The following ABHD17C variants were observed in gnomAD, a reference collection of about 807,000 sequenced individuals.
The protein encoded by ABHD17C is alpha/beta hydrolase domain-containing protein 17C.
In ABHD17C, 11 loss-of-function variants were observed where a neutral mutation model predicts 27.9. The observed-to-expected ratio is 0.39, with a 90% confidence interval of 0.25 to 0.65. The LOEUF is 0.65. Among genes scored for constraint, ABHD17C ranks in the 30% least tolerant of loss-of-function variants. The probability of loss-of-function intolerance (pLI) is 0.45; values close to 1 mark genes in which losing one functional copy is unlikely to be tolerated. For missense variants in ABHD17C, 280 were observed against 470.2 expected, an observed-to-expected ratio of 0.60 and a Z score of 3.74; for synonymous variants, 233 against 209.1, an observed-to-expected ratio of 1.11 and a Z score of -0.98.
intron 1 of ABHD17C, among the ~76,000 whole-genome samples, chr15:80,747,062 C>T (rs1046469245): frequency 8.5e-5 from 13 of 152,100 alleles, no homozygotes; most frequent in African/African-American, 2.4e-4. Context: ...CATTAACTGC[C>T]TTCAGTTTTC....
At chr15:80,723,476 A>G (rs941883111) in intron 1 of ABHD17C, among the ~76,000 whole-genome samples, 3 of 152,184 alleles carry the variant, frequency 2.0e-5, no homozygotes, top group Non-Finnish European at 4.4e-5. Context: ...GTTAGGGCCT[A>G]TGCTCATTAT....
chr15:80,726,501 G>GTTTTTTT (rs10572505), intron 1 of ABHD17C, among the ~76,000 whole-genome samples: 1 of 94,498 alleles, frequency 1.1e-5, no homozygotes, highest in African/African-American at 5.3e-5. Flanking sequence ...TCTTTTTCTG[G>GTTTTTTT]TTTTTTTTTT....
rs1555421862 is a variant in ABHD17C at position 80,705,333 on chromosome 15, TTGTGTGTG to T, written c.590+9341_590+9348del. On this transcript the variant is annotated intron_variant, in intron 1 of 2. Coordinates refer to ENST00000258884, the MANE Select transcript of ABHD17C (RefSeq NM_021214.2). The stretch of plus-strand genomic sequence containing the variant: ...CCTGCAGTTCTGAGCTTCCTATGAT[TTGTGTGTG>T]TGTGTGTGTGTGTGTGTGTGTGTGT... Among the ~76,000 whole-genome samples, 129 of 106,886 alleles carry T rather than the reference TTGTGTGTG, an allele frequency of 1.2e-3. 2 individuals are homozygous for T. Among genetic ancestry groups the T allele is most frequent in the East Asian group, 1.9e-3 (7 of 3,674 alleles). The allele number at this position is 106,886 out of a possible 152,430, so 70.1% of individuals were successfully genotyped here.
intron 1 of ABHD17C, among the ~76,000 whole-genome samples, chr15:80,714,729 G>A (rs567248033): frequency 2.6e-5 from 4 of 152,190 alleles, no homozygotes; most frequent in African/African-American, 9.6e-5. Context: ...ACACAGACAC[G>A]CACAAATCGG....
chr15:80,702,135 T>C (rs1371661825), intron 1 of ABHD17C, among the ~76,000 whole-genome samples: 1 of 152,212 alleles, frequency 6.6e-6, no homozygotes, highest in Non-Finnish European at 1.5e-5. Context: ...TAATGTGTTC[T>C]CTTCCGAGCA....
intron 1 of ABHD17C, among the ~76,000 whole-genome samples, chr15:80,723,546 A>C (rs182516301): frequency 3.9e-5 from 6 of 152,372 alleles, no homozygotes; most frequent in Non-Finnish European, 5.9e-5. Flanking sequence ...TAGGGATTCC[A>C]AAACCCCATC....
Position 80,754,131 on chromosome 15 carries a change from C to G in ABHD17C, c.771-20C>G. 6.3e-7 allele frequency: 1 copy of G among 1,591,454 alleles called. No individual in the cohort carries two copies. Among genetic ancestry groups the G allele is most frequent in the Non-Finnish European group, 8.6e-7 (1 of 1,159,712 alleles). On this transcript the variant is annotated intron_variant, in intron 2 of 2. Coordinates refer to ENST00000258884, the MANE Select transcript of ABHD17C (RefSeq NM_021214.2). Reference sequence around the variant, plus strand: ...AACTAATGGAGTCCTCTTTCTGCCTCCCCCCTTTCTGTTTTGCAGCATTGA... The same window carrying G: ...AACTAATGGAGTCCTCTTTCTGCCTGCCCCCTTTCTGTTTTGCAGCATTGA...
chr15:80,751,987 T>C (rs373297317), intron 2 of ABHD17C, among the ~76,000 whole-genome samples: 145 of 152,372 alleles, frequency 9.5e-4, no homozygotes, highest in African/African-American at 3.4e-3. Flanking sequence ...CCTTTTAATA[T>C]TAAAACAAAT....
chr15:80,713,601 AG>A lies in ABHD17C; in HGVS notation c.590+17583del, dbSNP rs1894759236. Among the ~76,000 whole-genome samples the A allele has an allele frequency of 2.6e-5, 4 of 151,836 alleles. No individual in the cohort carries two copies. The South Asian group carries it at 8.3e-4, about 32-fold the overall frequency. ...AAGGTGGGTGGATCACAAGGTCAGC[AG>A]TTCGAGACCAGCCTGGCCAACATAG... On this transcript the variant is annotated intron_variant, in intron 1 of 2. Coordinates refer to ENST00000258884, the MANE Select transcript of ABHD17C (RefSeq NM_021214.2).
intron 1 of ABHD17C, among the ~76,000 whole-genome samples, chr15:80,711,201 T>G (rs1894724153): frequency 6.6e-6 from 1 of 152,198 alleles, no homozygotes; most frequent in Non-Finnish European, 1.5e-5. Flanking sequence ...GTAGCATCTT[T>G]GATCAGTGTT....
chr15:80,730,582 C>G (rs561831016), intron 1 of ABHD17C, among the ~76,000 whole-genome samples: 1 of 152,278 alleles, frequency 6.6e-6, no homozygotes, highest in South Asian at 2.1e-4. Context: ...CTAGGAGACA[C>G]AGTATTGTAT....
rs71455351 is a variant in ABHD17C, at chr15:80,721,213, CT to C, written c.590+25207del. The stretch of plus-strand genomic sequence containing the variant: ...TTTGTGTTTACCCATCATTTTTTGT[CT>C]TTTTTTTTTTTTAACTCTTTGACTT... On this transcript the variant is annotated intron_variant, in intron 1 of 2. Transcript: ENST00000258884. Among the ~76,000 whole-genome samples, 429 of 143,034 alleles carry C rather than the reference CT, an allele frequency of 3.0e-3. 2 individuals are homozygous for C. Among genetic ancestry groups the C allele is most frequent in the Middle Eastern group, 7.2e-3 (2 of 276 alleles). 93.8% of individuals were successfully genotyped at this position (143,034 alleles called of 152,430 possible). A position where few individuals can be genotyped will look rare whatever the true frequency, so the allele number is the denominator to read the frequency against.
chr15:80,739,693 C>T (rs1488335733), intron 1 of ABHD17C, among the ~76,000 whole-genome samples: 1 of 152,234 alleles, frequency 6.6e-6, no homozygotes, highest in Non-Finnish European at 1.5e-5. Context: ...GGAGCAAGTA[C>T]TGGTCCCATG....
chr15:80,740,881 G>T (rs1895199923), intron 1 of ABHD17C, among the ~76,000 whole-genome samples: 1 of 152,182 alleles, frequency 6.6e-6, no homozygotes, highest in Non-Finnish European at 1.5e-5. Context: ...CCTTTCCCTG[G>T]AGAAGAGTGT....
At chr15:80,719,200 T>G (rs957482594) in intron 1 of ABHD17C, among the ~76,000 whole-genome samples, 1 of 152,230 alleles carries the variant, frequency 6.6e-6, no homozygotes, top group Non-Finnish European at 1.5e-5. Flanking sequence ...CCTCTTCCTC[T>G]TGACTCCTAA....
intron 1 of ABHD17C, among the ~76,000 whole-genome samples, chr15:80,726,469 C>T (rs1894977154): frequency 6.7e-6 from 1 of 149,574 alleles, no homozygotes; most frequent in African/African-American, 2.5e-5. Context: ...AAGGATTTTC[C>T]CTTCTCCCTT....
chr15:80,696,568 G>A (rs534468180), intron 1 of ABHD17C, among the ~76,000 whole-genome samples: 232 of 152,292 alleles, frequency 1.5e-3, no homozygotes, highest in African/African-American at 5.1e-3. Context: ...CGGGGAGTTT[G>A]CCTCCTGGTG....
chr15:80,751,824 A>T (rs576597059), intron 2 of ABHD17C, among the ~76,000 whole-genome samples: 2 of 152,350 alleles, frequency 1.3e-5, no homozygotes, highest in East Asian at 1.9e-4. Context: ...TTAATGCCAT[A>T]AATTATTAAT....
chr15:80,718,344 T>C (rs1399877463), intron 1 of ABHD17C, among the ~76,000 whole-genome samples: 1 of 152,098 alleles, frequency 6.6e-6, no homozygotes, highest in Non-Finnish European at 1.5e-5. Flanking sequence ...TATTTATTTA[T>C]TTTTTTGAAA....
Sources: gnomAD v4.1 joint callset for allele counts (sites outside exome capture counted in the v4.1 genomes callset) on GRCh38, gnomAD v4.1.1 for gene constraint, MANE v1.5 for transcripts, NCBI Gene and HGNC (gene_info 2026-07-23, HGNC 2026-07-21) for gene names.